MGAM: variants seen among roughly 807,000 people sequenced by gnomAD.
MGAM encodes maltase-glucoamylase.
MGAM carries 253 observed loss-of-function variants against 358.8 expected under a neutral mutation model. That is an observed-to-expected ratio of 0.71 (90% CI 0.64 to 0.78). MGAM has a LOEUF of 0.78. Ranked by LOEUF, MGAM falls within the 30% of genes least tolerant of loss-of-function variation. The pLI, the probability that MGAM is intolerant of heterozygous loss-of-function variation, is 0.00. For missense variants in MGAM, 3,080 were observed against 3,432.6 expected, an observed-to-expected ratio of 0.90 and a Z score of 2.57; for synonymous variants, 1,105 against 1,227.1, an observed-to-expected ratio of 0.90 and a Z score of 2.08.
intron 65 of MGAM, 28 bp from the exon 66 acceptor site, chr7:142,097,565 G>T: frequency 6.2e-7 from 1 of 1,604,914 alleles, no homozygotes; most frequent in Non-Finnish European, 8.5e-7. Context: ...TGGTGCCACT[G>T]CCACACCTTG....
intron 3 of MGAM, among the ~76,000 whole-genome samples, chr7:142,009,953 G>A (rs915715007): frequency 1.8e-4 from 27 of 152,100 alleles, no homozygotes; most frequent in Admixed American, 2.6e-4. Flanking sequence ...ACAACAGATA[G>A]GCTAGGCAGA....
intron 2 of MGAM, among the ~76,000 whole-genome samples, chr7:141,987,166 T>C (rs1031731458): frequency 1.2e-4 from 19 of 152,202 alleles, no homozygotes; most frequent in African/African-American, 4.6e-4. Flanking sequence ...GTGGTAGTCA[T>C]AGGCATAGTA....
chr7:142,033,802 T>G (rs1466390732), intron 14 of MGAM, among the ~76,000 whole-genome samples: 1 of 152,154 alleles, frequency 6.6e-6, no homozygotes, highest in Non-Finnish European at 1.5e-5. Context: ...ACAGATAATG[T>G]GGATCTCAAA....
chr7:142,099,416 C>A (rs150556893), intron 66 of MGAM, among the ~76,000 whole-genome samples, 197 bp from the exon 67 acceptor site: 1,895 of 152,246 alleles, frequency 0.012, 25 homozygotes, highest in Non-Finnish European at 0.022. Flanking sequence ...GGCAAGAGAC[C>A]CTAACAAGAT....
At chr7:142,061,456 C>T (rs1482423686) in intron 34 of MGAM, among the ~76,000 whole-genome samples, 2 of 152,112 alleles carry the variant, frequency 1.3e-5, no homozygotes, top group Admixed American at 6.5e-5. Flanking sequence ...TGATGTGACC[C>T]ACTGTCTTCT....
rs1815761080 is a variant in MGAM, at chr7:142,094,963, A to T, written c.7458+100A>T. On this transcript the variant is annotated intron_variant, in intron 63 of 70. Coordinates refer to ENST00000475668, the MANE Select transcript of MGAM (RefSeq NM_001365693.1). Reference sequence around the variant, plus strand: ...CTGTATTTCCTGTGATATCTTTAAAATTTTTTTTTTTTTTCTTTTGAGACA... The same window carrying T: ...CTGTATTTCCTGTGATATCTTTAAATTTTTTTTTTTTTTTCTTTTGAGACA... The T allele has an allele frequency of 3.2e-6, 3 of 933,544 alleles. No homozygotes were observed. In the South Asian group the frequency reaches 5.9e-5, roughly 18 times the overall value. 57.8% of individuals were successfully genotyped at this position (933,544 alleles called of 1,614,324 possible). A position where few individuals can be genotyped will look rare whatever the true frequency, so the allele number is the denominator to read the frequency against.
intron 1 of MGAM, among the ~76,000 whole-genome samples, chr7:141,998,362 G>C (rs1804441146): frequency 6.6e-6 from 1 of 152,000 alleles, no homozygotes; most frequent in African/African-American, 2.4e-5. Context: ...TAGGTTTTAA[G>C]CCCCACATGC....
intron 57 of MGAM, among the ~76,000 whole-genome samples, chr7:142,090,807 C>A (rs1815311659): frequency 6.8e-6 from 1 of 146,554 alleles, no homozygotes; most frequent in South Asian, 2.2e-4. Context: ...CATTTATTTG[C>A]TGCTTCGAAG....
rs1395655185 is a variant in MGAM, at chr7:142,093,500, C to T, written c.7122C>T (p.His2374=). The change falls in exon 60 of 71, where the codon CAC becomes CAT. Residue 2374 remains histidine, a synonymous_variant. Transcript: ENST00000475668. ...QILPDGSPVQ[H]YNVHNLYGWS... is the part of the protein sequence containing the mutation. Reference sequence around the variant, plus strand: ...TCCCAGACGGCTCCCCGGTGCAGCACTACAATGTGCACAACCTGTACGGGT... The same window carrying T: ...TCCCAGACGGCTCCCCGGTGCAGCATTACAATGTGCACAACCTGTACGGGT... The T allele has an allele frequency of 2.0e-6, 3 of 1,512,614 alleles. No homozygotes were observed. Among genetic ancestry groups the T allele is most frequent in the Non-Finnish European group, 2.7e-6 (3 of 1,110,224 alleles). The allele number at this position is 1,512,614 out of a possible 1,614,324, so 93.7% of individuals were successfully genotyped here.
At chr7:142,049,440 A>G (rs1282430611) in intron 22 of MGAM, among the ~76,000 whole-genome samples, 3 of 152,220 alleles carry the variant, frequency 2.0e-5, no homozygotes, top group Non-Finnish European at 4.4e-5. Flanking sequence ...ATAGCAAATA[A>G]TAAACAAGCA....
At chr7:142,044,554 TTA>T (rs1809745392) in intron 21 of MGAM, among the ~76,000 whole-genome samples, 1 of 136,924 alleles carries the variant, frequency 7.3e-6, no homozygotes, top group African/African-American at 2.6e-5. Flanking sequence ...ATAATGTATA[TTA>T]TATACACGTG....
Position 142,086,209 on chromosome 7 carries a change from T to C in MGAM, c.6637-9T>C. ...GATTTTTCCCAACTGACTTATGCTT[T>C]GATTTCAGGATCCAGCCATTTCTGG... On this transcript the variant is annotated splice_polypyrimidine_tract_variant and intron_variant, in intron 55 of 70. Transcript: ENST00000475668. The C allele has an allele frequency of 1.3e-6, 2 of 1,526,024 alleles. 1 individual carries two copies. The highest frequency in any genetic ancestry group is 1.8e-6 in the Non-Finnish European group (2 of 1,115,068). 94.5% of individuals were successfully genotyped at this position (1,526,024 alleles called of 1,614,324 possible).
At position 142,056,926 on chromosome 7, in the gene MGAM, C is replaced by G; in HGVS notation, c.3677C>G (p.Thr1226Ser). 1 of 1,613,834 alleles carries G rather than the reference C, an allele frequency of 6.2e-7. No homozygotes were observed. Among genetic ancestry groups the G allele is most frequent in the Non-Finnish European group, 8.5e-7 (1 of 1,179,790 alleles). Residue 1226 changes from threonine (T) to serine (S), a missense_variant, in exon 30 of 71, where the codon ACC becomes AGC. Transcript: ENST00000475668. Reference sequence around the variant, plus strand: ...TTGGGGCCGACTCCAGAGCTTGTCACCCAGCAGTACACTGAGGTAGGGGGA... The same window carrying G: ...TTGGGGCCGACTCCAGAGCTTGTCAGCCAGCAGTACACTGAGGTAGGGGGA... Reference protein sequence around the residue: ...VFLGPTPELVTQQYTELIGRP... With the variant: ...VFLGPTPELVSQQYTELIGRP...
chr7:142,057,968 G>A (rs192016014), intron 30 of MGAM, among the ~76,000 whole-genome samples: 1 of 152,264 alleles, frequency 6.6e-6, no homozygotes, highest in Admixed American at 6.5e-5. Context: ...GTTATCTACA[G>A]TGTCTCTAGG....
intron 66 of MGAM, among the ~76,000 whole-genome samples, chr7:142,099,345 A>G (rs181960274): frequency 2.8e-4 from 43 of 152,312 alleles, no homozygotes; most frequent in African/African-American, 1.0e-3. Flanking sequence ...GATACAGGTG[A>G]GAGAGTAGCA....
intron 30 of MGAM, among the ~76,000 whole-genome samples, chr7:142,057,707 A>G (rs983702087): frequency 6.6e-6 from 1 of 152,072 alleles, no homozygotes. Context: ...GCAACAACAG[A>G]CACTTACATA....
At chr7:142,030,819 TG>T (rs1807420942) in intron 12 of MGAM, 62 bp downstream of exon 12, 2 of 131,440 alleles carry the variant, frequency 1.5e-5, no homozygotes, top group Non-Finnish European at 2.3e-5. Context: ...TGAATGTGTC[TG>T]TGTGTGTGTG....
At chr7:142,098,487 C>T (rs1317569700) in intron 66 of MGAM, among the ~76,000 whole-genome samples, 1 of 152,100 alleles carries the variant, frequency 6.6e-6, no homozygotes, top group Non-Finnish European at 1.5e-5. Context: ...AGAGCATGTG[C>T]TGGCCCCTTT....
At chr7:142,044,253 C>T (rs1462666787) in intron 21 of MGAM, among the ~76,000 whole-genome samples, 7 of 126,026 alleles carry the variant, frequency 5.6e-5, no homozygotes, top group African/African-American at 8.2e-5. Context: ...TATACACATA[C>T]GACATATAAT....
Sources: gnomAD v4.1 joint callset for allele counts (sites outside exome capture counted in the v4.1 genomes callset) on GRCh38, gnomAD v4.1.1 for gene constraint, MANE v1.5 for transcripts, NCBI Gene and HGNC (gene_info 2026-07-23, HGNC 2026-07-21) for gene names.